Variants in FRMD4B observed in about 807,000 individuals in gnomAD.
The protein encoded by FRMD4B is FERM domain-containing protein 4B.
In FRMD4B, 74 loss-of-function variants were observed where a neutral mutation model predicts 141.5. That is an observed-to-expected ratio of 0.52 (90% confidence interval 0.43 to 0.63). The LOEUF is 0.63. Among genes scored for constraint, FRMD4B ranks in the 30% least tolerant of loss-of-function variants. The pLI, the probability that FRMD4B is intolerant of heterozygous loss-of-function variation, is 0.00. For missense variants in FRMD4B, 1,366 were observed against 1,253.4 expected, an observed-to-expected ratio of 1.09 and a Z score of -1.36; for synonymous variants, 506 against 467.9, an observed-to-expected ratio of 1.08 and a Z score of -1.05.
chr3:69,357,739 A>G (rs1297330260), intron 1 of FRMD4B, among the ~76,000 whole-genome samples: 2 of 152,240 alleles, frequency 1.3e-5, no homozygotes, highest in African/African-American at 2.4e-5. Context: ...AATGTATTGC[A>G]GTTTTCCAAA....
intron 1 of FRMD4B, among the ~76,000 whole-genome samples, chr3:69,464,910 T>C (rs1006794758): frequency 2.0e-5 from 3 of 152,194 alleles, no homozygotes; most frequent in African/African-American, 4.8e-5. Flanking sequence ...TTTTCTTCAA[T>C]GTCTAAACTG....
intron 2 of FRMD4B, among the ~76,000 whole-genome samples, chr3:69,426,437 C>A (rs1465289545): frequency 1.3e-5 from 2 of 151,974 alleles, no homozygotes; most frequent in African/African-American, 4.8e-5. Flanking sequence ...TACGACTTAG[C>A]CTTAGAGTTT....
At chr3:69,475,722 A>G (rs889563293) in intron 1 of FRMD4B, among the ~76,000 whole-genome samples, 1 of 151,738 alleles carries the variant, frequency 6.6e-6, no homozygotes, top group Admixed American at 6.6e-5. Flanking sequence ...GTATATACCC[A>G]GTAATGGGAT....
chr3:69,503,960 A>G (rs1706549068), intron 1 of FRMD4B, among the ~76,000 whole-genome samples: 1 of 152,210 alleles, frequency 6.6e-6, no homozygotes, highest in Non-Finnish European at 1.5e-5. Flanking sequence ...ATCAGTACTC[A>G]ATACAATGTT....
intron 11 of FRMD4B, among the ~76,000 whole-genome samples, chr3:69,211,823 C>T (rs1355826088): frequency 6.6e-6 from 1 of 152,168 alleles, no homozygotes; most frequent in Non-Finnish European, 1.5e-5. Flanking sequence ...GAAGCATGAT[C>T]CTCCTTTAAT....
intron 5 of FRMD4B, among the ~76,000 whole-genome samples, chr3:69,265,208 T>A (rs2093552934): frequency 7.9e-6 from 1 of 126,926 alleles, no homozygotes. Flanking sequence ...TGAGCCGAGA[T>A]TGCGCCACTG....
chr3:69,368,168 G>A (rs892368277), intron 1 of FRMD4B, among the ~76,000 whole-genome samples: 2 of 151,926 alleles, frequency 1.3e-5, no homozygotes, highest in Non-Finnish European at 2.9e-5. Flanking sequence ...ATTTAAACCC[G>A]ACAACATCAC....
chr3:69,186,617 TGGGAGAATTGCCTGAAGCCAAGA>T (rs1269494744), intron 19 of FRMD4B, among the ~76,000 whole-genome samples: 1 of 151,572 alleles, frequency 6.6e-6, no homozygotes, highest in Non-Finnish European at 1.5e-5. Context: ...GAGGCTGAGG[TGGGAGAATTGCCTGAAGCCAAGA>T]GGCAGGGGTT....
At chr3:69,226,201 T>C (rs141144723) in intron 7 of FRMD4B, among the ~76,000 whole-genome samples, 32 of 152,276 alleles carry the variant, frequency 2.1e-4, no homozygotes, top group Non-Finnish European at 4.1e-4. Flanking sequence ...AAATAAAAAG[T>C]CACTTGGCTC....
At chr3:69,440,706 G>A (rs1042717918) in intron 1 of FRMD4B, among the ~76,000 whole-genome samples, 1 of 152,160 alleles carries the variant, frequency 6.6e-6, no homozygotes, top group African/African-American at 2.4e-5. Flanking sequence ...TACTTGAGGG[G>A]CTAAGGCACA....
At chr3:69,193,420 A>AT (rs986210666) in intron 17 of FRMD4B, among the ~76,000 whole-genome samples, 40 of 152,306 alleles carry the variant, frequency 2.6e-4, no homozygotes, top group South Asian at 2.1e-4. Flanking sequence ...AGGCAGGACA[A>AT]TCACTTGAAC....
intron 20 of FRMD4B, 120 bp downstream of exon 20, chr3:69,182,478 C>A: frequency 4.4e-6 from 4 of 904,108 alleles, no homozygotes; most frequent in South Asian, 2.3e-5. Context: ...AATGTAAAAC[C>A]ATAAAACAAG....
chr3:69,217,288 A>G (rs2093150216), intron 10 of FRMD4B, among the ~76,000 whole-genome samples: 2 of 152,212 alleles, frequency 1.3e-5, no homozygotes. Context: ...TTAGGCTTAG[A>G]CAGATACCTA....
rs561074585 is a variant in FRMD4B at position 69,353,547 on chromosome 3, C to T, written c.162+32281G>A. The T allele has an allele frequency of 8.3e-5, 82 of 983,958 alleles. No homozygotes were observed. The African/African-American group carries it at 1.2e-3, about 15-fold the overall frequency. The allele number at this position is 983,958 out of a possible 1,614,324, so 61.0% of individuals were successfully genotyped here. Reference sequence around the variant, plus strand: ...CATAAAAAAAAATCATTCTTACCTCCGAACCACCATGACCTCGGCTCATTT... The same window carrying T: ...CATAAAAAAAAATCATTCTTACCTCTGAACCACCATGACCTCGGCTCATTT... On this transcript the variant is annotated intron_variant, in intron 1 of 22. Coordinates refer to ENST00000398540, the MANE Select transcript of FRMD4B (RefSeq NM_015123.3).
chr3:69,309,406 T>C (rs1701499314), intron 3 of FRMD4B, among the ~76,000 whole-genome samples: 1 of 150,966 alleles, frequency 6.6e-6, no homozygotes, highest in African/African-American at 2.4e-5. Flanking sequence ...TCTCCAAAAG[T>C]GTTAGGATCA....
intron 1 of FRMD4B, among the ~76,000 whole-genome samples, chr3:69,315,656 C>G (rs1364251424): frequency 6.6e-6 from 1 of 152,074 alleles, no homozygotes; most frequent in Non-Finnish European, 1.5e-5. Flanking sequence ...ATAGATGGAC[C>G]TCATTCTTTT....
chr3:69,174,131 C>T (rs898241315), intron 22 of FRMD4B, among the ~76,000 whole-genome samples: 1 of 75,478 alleles, frequency 1.3e-5, no homozygotes, highest in Non-Finnish European at 2.8e-5. Context: ...AACAAGGCTC[C>T]GTCTTGGGAA....
At chr3:69,315,111 C>T (rs1016961249) in intron 1 of FRMD4B, among the ~76,000 whole-genome samples, 3 of 152,212 alleles carry the variant, frequency 2.0e-5, no homozygotes, top group African/African-American at 7.2e-5. Flanking sequence ...AGTTTACTAT[C>T]ACCACCATAG....
chr3:69,343,353 C>T (rs937985441), intron 1 of FRMD4B, among the ~76,000 whole-genome samples: 1 of 152,202 alleles, frequency 6.6e-6, no homozygotes, highest in Non-Finnish European at 1.5e-5. Context: ...CATGCTAACA[C>T]TCCACTCTCG....
Sources: allele counts gnomAD v4.1 joint callset (sites outside exome capture counted in the v4.1 genomes callset), GRCh38; gene constraint gnomAD v4.1.1; transcripts MANE v1.5; gene names NCBI Gene and HGNC (gene_info 2026-07-23, HGNC 2026-07-21).